NTM: variants seen among roughly 807,000 people sequenced by gnomAD.
The protein encoded by NTM is neurotrimin.
In NTM, 13 loss-of-function variants were observed where a neutral mutation model predicts 42.1. The ratio of observed to expected loss-of-function variants is 0.31; its 90% CI spans 0.20 to 0.49. The LOEUF is 0.49. NTM is among the 20% of genes least tolerant of loss of function. The pLI is 0.99. For synonymous variants in NTM, 187 were observed against 179.2 expected, an observed-to-expected ratio of 1.04 and a Z score of -0.35; for missense variants, 373 against 452.8, an observed-to-expected ratio of 0.82 and a Z score of 1.60.
chr11:131,946,782 C>A (rs1189946930), intron 2 of NTM, among the ~76,000 whole-genome samples: 1 of 152,110 alleles, frequency 6.6e-6, no homozygotes, highest in Non-Finnish European at 1.5e-5. Flanking sequence ...TTTCTTTTAC[C>A]TAGAAGAATA....
rs539297207 is a variant in NTM, at chr11:132,335,860, A to C, written c.*714A>C. The C allele has an allele frequency of 2.0e-5, 3 of 152,732 alleles. No homozygotes were observed. The highest frequency in any genetic ancestry group is 3.4e-3 in the Middle Eastern group (1 of 294). The allele number at this position is 152,732 out of a possible 1,614,324, so 9.5% of individuals were successfully genotyped here. A position where few individuals can be genotyped will look rare whatever the true frequency, so the allele number is the denominator to read the frequency against. Reference sequence around the variant, plus strand: ...TACTGCAAAAACAAGACAAAACTAAAAAAATACAACTGAGAAGGGTGAAGA... The same window carrying C: ...TACTGCAAAAACAAGACAAAACTAACAAAATACAACTGAGAAGGGTGAAGA... On this transcript the variant is annotated 3_prime_UTR_variant, in exon 9 of 9. Coordinates refer to ENST00000683400, the MANE Select transcript of NTM (RefSeq NM_001352005.2).
At chr11:132,313,005 A>G (rs1242893342) in intron 6 of NTM, among the ~76,000 whole-genome samples, 1 of 152,118 alleles carries the variant, frequency 6.6e-6, no homozygotes, top group Non-Finnish European at 1.5e-5. Flanking sequence ...AGTCTGTCCA[A>G]CCTATCTTCT....
intron 1 of NTM, among the ~76,000 whole-genome samples, chr11:131,790,182 A>G (rs1424535310): frequency 6.6e-6 from 1 of 152,114 alleles, no homozygotes; most frequent in Non-Finnish European, 1.5e-5. Flanking sequence ...CATATGGAGA[A>G]AAAGATTGAT....
chr11:131,687,760 A>T (rs2074090112), intron 1 of NTM, among the ~76,000 whole-genome samples: 3 of 152,002 alleles, frequency 2.0e-5, no homozygotes, highest in South Asian at 4.1e-4. Context: ...GCCACAGGCG[A>T]GGGGGCCCCT....
intron 3 of NTM, among the ~76,000 whole-genome samples, chr11:132,163,961 T>C (rs1448379383): frequency 6.6e-6 from 1 of 152,156 alleles, no homozygotes; most frequent in African/African-American, 2.4e-5. Context: ...TGTCCTAATT[T>C]ACAGATGGGA....
At chr11:132,211,774 C>T (rs1048353896) in intron 3 of NTM, 15 of 333,584 alleles carry the variant, frequency 4.5e-5, no homozygotes, top group African/African-American at 2.2e-5. Flanking sequence ...AGGAGAACAG[C>T]TATTCCAGTG....
chr11:132,019,951 G>A (rs911647605), intron 2 of NTM, among the ~76,000 whole-genome samples: 4 of 151,834 alleles, frequency 2.6e-5, no homozygotes, highest in Admixed American at 2.6e-4. Context: ...CCTGCATAGT[G>A]TGTATAGTAC....
At chr11:132,046,476 T>C (rs1022460627) in intron 2 of NTM, among the ~76,000 whole-genome samples, 31 of 152,188 alleles carry the variant, frequency 2.0e-4, no homozygotes, top group Admixed American at 7.2e-4. Context: ...TGAGTTATTA[T>C]ACTCTCTGAA....
intron 1 of NTM, among the ~76,000 whole-genome samples, chr11:131,831,294 G>T (rs1456856318): frequency 6.6e-6 from 1 of 152,178 alleles, no homozygotes; most frequent in Non-Finnish European, 1.5e-5. Context: ...CTAAATTTTT[G>T]TAGTTTGCCC....
chr11:131,690,480 T>G (rs371712787), intron 1 of NTM, among the ~76,000 whole-genome samples: 46 of 152,090 alleles, frequency 3.0e-4, no homozygotes, highest in African/African-American at 1.0e-3. Context: ...AGCGCGAACC[T>G]TGCTGCACGG....
chr11:131,486,476 A>T (rs957276543), intron 1 of NTM, among the ~76,000 whole-genome samples: 1 of 152,146 alleles, frequency 6.6e-6, no homozygotes, highest in Non-Finnish European at 1.5e-5. Flanking sequence ...ATGCTCTTCA[A>T]TGGGGATGTC....
At chr11:131,661,196 G>A in intron 1 of NTM, 1 of 418,066 alleles carries the variant, frequency 2.4e-6, no homozygotes, top group Non-Finnish European at 4.4e-6. Context: ...CTTTGAAAGG[G>A]GTTTGTCCTG....
chr11:131,711,070 G>A (rs530320671), intron 1 of NTM, among the ~76,000 whole-genome samples: 1 of 152,106 alleles, frequency 6.6e-6, no homozygotes, highest in South Asian at 2.1e-4. Context: ...ATAGGCATGG[G>A]CAAGGACTTC....
At chr11:131,703,120 G>C (rs922286590) in intron 1 of NTM, among the ~76,000 whole-genome samples, 2 of 152,200 alleles carry the variant, frequency 1.3e-5, no homozygotes, top group South Asian at 4.1e-4. Context: ...TATTGAGTTA[G>C]ATAGGAGGAA....
At chr11:131,871,079 T>G (rs544965610) in intron 1 of NTM, among the ~76,000 whole-genome samples, 2 of 152,284 alleles carry the variant, frequency 1.3e-5, no homozygotes, top group South Asian at 4.1e-4. Context: ...GCTGAATCTA[T>G]TGTGAGTTTA....
At chr11:132,233,586 G>T (rs576878200) in intron 4 of NTM, among the ~76,000 whole-genome samples, 1 of 152,200 alleles carries the variant, frequency 6.6e-6, no homozygotes, top group Non-Finnish European at 1.5e-5. Context: ...AAATTAAAGT[G>T]TCATTGTCTC....
intron 1 of NTM, among the ~76,000 whole-genome samples, chr11:131,578,378 C>G (rs1167391543): frequency 6.6e-6 from 1 of 152,082 alleles, no homozygotes; most frequent in Non-Finnish European, 1.5e-5. Context: ...TTGAAAGAGT[C>G]TTTCAGGTAG....
chr11:131,829,859 T>G (rs918295921), intron 1 of NTM, among the ~76,000 whole-genome samples: 1 of 152,162 alleles, frequency 6.6e-6, no homozygotes, highest in Non-Finnish European at 1.5e-5. Context: ...TTTGACTTTT[T>G]AATAATAGCC....
At chr11:131,521,808 A>G (rs1174832267) in intron 1 of NTM, among the ~76,000 whole-genome samples, 1 of 152,086 alleles carries the variant, frequency 6.6e-6, no homozygotes, top group East Asian at 1.9e-4. Context: ...CTCTGTGCAT[A>G]TATGAGTTGA....
Sources: allele counts gnomAD v4.1 joint callset (sites outside exome capture counted in the v4.1 genomes callset), GRCh38; gene constraint gnomAD v4.1.1; transcripts MANE v1.5; gene names NCBI Gene and HGNC (gene_info 2026-07-23, HGNC 2026-07-21).